TENM3: variants seen among roughly 807,000 people sequenced by gnomAD.
TENM3 encodes teneurin transmembrane protein 3.
Under a neutral mutation model 255.1 loss-of-function variants are expected in TENM3, and 63 were observed. The ratio of observed to expected loss-of-function variants is 0.25; its 90% CI spans 0.20 to 0.30. The LOEUF is 0.30. Among genes scored for constraint, TENM3 ranks in the 10% least tolerant of loss-of-function variants. The pLI is 1.00. For missense variants in TENM3, 2,929 were observed against 3,461.1 expected (o/e 0.85, Z 3.86); for synonymous variants, 1,306 against 1,322.3 (o/e 0.99, Z 0.27).
the TENM3 span, among the ~76,000 whole-genome samples, chr4:181,533,693 T>G: frequency 6.6e-6 from 1 of 152,098 alleles, no homozygotes; most frequent in African/African-American, 2.4e-5. Flanking sequence ...TTAAACTATT[T>G]TCAGAGCCAT....
the TENM3 span, among the ~76,000 whole-genome samples, chr4:182,000,851 T>C: frequency 6.6e-6 from 1 of 151,800 alleles, no homozygotes; most frequent in African/African-American, 2.4e-5. Context: ...TTATCTTAAG[T>C]TGATTAGGGA....
At chr4:181,893,788 A>T in the TENM3 span, among the ~76,000 whole-genome samples, 37 of 152,268 alleles carry the variant, frequency 2.4e-4, no homozygotes, top group South Asian at 7.5e-3. Flanking sequence ...AAAATGTTTT[A>T]GCAACACAAG....
chr4:181,495,902 T>TA, the TENM3 span, among the ~76,000 whole-genome samples: 9,654 of 116,768 alleles, frequency 0.083, 449 homozygotes, highest in South Asian at 0.11. Flanking sequence ...AGAGACAAAT[T>TA]AAAAAAAAAA....
At chr4:181,961,697 T>C in the TENM3 span, among the ~76,000 whole-genome samples, 1 of 152,178 alleles carries the variant, frequency 6.6e-6, no homozygotes, top group Non-Finnish European at 1.5e-5. Context: ...AAAATATAGT[T>C]TTAAATGTTT....
chr4:182,306,763 G>A (rs961375165), intron 1 of TENM3, among the ~76,000 whole-genome samples: 10 of 152,258 alleles, frequency 6.6e-5, no homozygotes, highest in African/African-American at 2.4e-4. Flanking sequence ...GAAAGGTTCT[G>A]TAGATAAAGT....
the TENM3 span, among the ~76,000 whole-genome samples, chr4:181,575,617 T>C: frequency 1.3e-5 from 2 of 152,252 alleles, no homozygotes; most frequent in East Asian, 1.9e-4. Flanking sequence ...ATTATTTTAA[T>C]TGGTGAATTT....
chr4:182,322,194 G>T (rs548664398), intron 1 of TENM3, among the ~76,000 whole-genome samples: 1 of 152,108 alleles, frequency 6.6e-6, no homozygotes, highest in Non-Finnish European at 1.5e-5. Context: ...GTGAAAAATC[G>T]TTTTTTAAAA....
chr4:181,474,858 C>T, the TENM3 span, among the ~76,000 whole-genome samples: 1 of 152,068 alleles, frequency 6.6e-6, no homozygotes, highest in African/African-American at 2.4e-5. Context: ...GAATTGTTCT[C>T]ATTGAAATGG....
At chr4:181,806,446 A>T in the TENM3 span, among the ~76,000 whole-genome samples, 1 of 152,152 alleles carries the variant, frequency 6.6e-6, no homozygotes, top group Middle Eastern at 3.2e-3. Context: ...TTCAAATCTC[A>T]TGTTGAAATT....
the TENM3 span, among the ~76,000 whole-genome samples, chr4:181,626,456 G>T: frequency 6.6e-6 from 1 of 152,202 alleles, no homozygotes; most frequent in Non-Finnish European, 1.5e-5. Flanking sequence ...TCTGCAGGCT[G>T]CACAAGCATG....
chr4:181,534,739 C>A, the TENM3 span, among the ~76,000 whole-genome samples: 1 of 152,158 alleles, frequency 6.6e-6, no homozygotes, highest in Non-Finnish European at 1.5e-5. Flanking sequence ...CAGTAAAGAA[C>A]CCCCTCCACC....
At chr4:182,239,031 TTATGTGTGTGTGTG>T (rs1757069595), upstream of TENM3, among the ~76,000 whole-genome samples, 3 of 110,456 alleles carry the variant, frequency 2.7e-5, no homozygotes, top group South Asian at 1.0e-3. Context: ...TTAAAAATCT[TTATGTGTGTGTGTG>T]TGTGTGTGTG....
chr4:181,877,474 G>GT, the TENM3 span, among the ~76,000 whole-genome samples: 2 of 152,018 alleles, frequency 1.3e-5, no homozygotes, highest in African/African-American at 2.4e-5. Context: ...ACTTTCTTTA[G>GT]TTTTTTTATA....
At chr4:182,360,549 C>T (rs1479840717) in intron 3 of TENM3, among the ~76,000 whole-genome samples, 1 of 151,820 alleles carries the variant, frequency 6.6e-6, no homozygotes, top group African/African-American at 2.4e-5. Context: ...GCAACCCCTG[C>T]CTTTTTTTCT....
the TENM3 span, among the ~76,000 whole-genome samples, chr4:181,773,030 A>C: frequency 6.6e-6 from 1 of 152,226 alleles, no homozygotes; most frequent in South Asian, 2.1e-4. Flanking sequence ...CTTTACTCTT[A>C]AGTCTCTGAG....
chr4:181,536,433 C>T, the TENM3 span, among the ~76,000 whole-genome samples: 1 of 152,216 alleles, frequency 6.6e-6, no homozygotes, highest in Non-Finnish European at 1.5e-5. Flanking sequence ...GAGGAGCATT[C>T]TAGAATTTCA....
chr4:181,790,744 T>C, the TENM3 span, among the ~76,000 whole-genome samples: 1 of 152,288 alleles, frequency 6.6e-6, no homozygotes, highest in East Asian at 1.9e-4. Flanking sequence ...TACCAAGAAA[T>C]GGCTCTAAAC....
In TENM3 at chr4:182,653,797, C is replaced by T. The variant is rs1753529323; in HGVS notation, c.1015C>T (p.Gln339Ter). Reference protein sequence around the residue: ...IAMHLFGLNWQLQQTENDTFE... With the variant: ...IAMHLFGLNW ...AATGCATCTCTTTGGCCTCAACTGGCAGCTACAGCAGACTGAAAATGACAC... is the reference window on the plus strand; with the variant it reads ...AATGCATCTCTTTGGCCTCAACTGGTAGCTACAGCAGACTGAAAATGACAC... Residue 339 changes from glutamine (Q) to a stop codon, truncating the protein, a stop_gained, in exon 6 of 28, where the codon CAG becomes TAG. Coordinates refer to ENST00000511685, the MANE Select transcript of TENM3 (RefSeq NM_001080477.4). LOFTEE classifies it high-confidence loss of function. 6.2e-7 allele frequency: 1 copy of T among 1,611,672 alleles called. No homozygotes were observed. Among genetic ancestry groups the T allele is most frequent in the Non-Finnish European group, 8.5e-7 (1 of 1,178,750 alleles).
At position 182,348,090 on chromosome 4, in the gene TENM3, A is replaced by T. The variant is rs57771086; in HGVS notation, c.511+1161A>T. Reference sequence around the variant, plus strand: ...TATTCATGAAAAAAGGTCTAATTTAAACCAATGCAATCAATTTCTTATCCT... The same window carrying T: ...TATTCATGAAAAAAGGTCTAATTTATACCAATGCAATCAATTTCTTATCCT... On this transcript the variant is annotated intron_variant, in intron 3 of 27. Coordinates refer to ENST00000511685, the MANE Select transcript of TENM3 (RefSeq NM_001080477.4). Among the ~76,000 whole-genome samples the T allele has an allele frequency of 2.8e-3, 422 of 152,300 alleles. 3 individuals carry two copies. Among genetic ancestry groups the T allele is most frequent in the African/African-American group, 9.9e-3 (413 of 41,574 alleles).
Sources: allele counts gnomAD v4.1 joint callset (sites outside exome capture counted in the v4.1 genomes callset), GRCh38; gene constraint gnomAD v4.1.1; transcripts MANE v1.5; gene names NCBI Gene and HGNC (gene_info 2026-07-23, HGNC 2026-07-21).